The following SLC16A9 variants were observed in gnomAD, a reference collection of about 807,000 sequenced individuals.
The protein encoded by SLC16A9 is monocarboxylate transporter 9.
In SLC16A9, 26 loss-of-function variants were observed where a neutral mutation model predicts 44.3. That is an observed-to-expected ratio of 0.59 (90% confidence interval 0.43 to 0.81). The LOEUF (loss-of-function observed/expected upper bound fraction) is 0.81. Among genes scored for constraint, SLC16A9 ranks in the 40% least tolerant of loss-of-function variants. The pLI is 0.00. For synonymous variants in SLC16A9, 230 were observed against 225.1 expected (o/e 1.02, Z -0.19); for missense variants, 559 against 595.8 (o/e 0.94, Z 0.64).
intron 1 of SLC16A9, among the ~76,000 whole-genome samples, chr10:59,696,781 T>C (rs1008162017): frequency 4.0e-5 from 6 of 150,770 alleles, no homozygotes; most frequent in African/African-American, 1.5e-4. Flanking sequence ...GGAGACCCTC[T>C]GCCTGGCAAC....
intron 4 of SLC16A9, among the ~76,000 whole-genome samples, chr10:59,659,086 A>G (rs1221699354): frequency 1.3e-5 from 2 of 152,194 alleles, no homozygotes; most frequent in Non-Finnish European, 2.9e-5. Context: ...ACTGTACATA[A>G]CTTTAAAAAA....
intron 4 of SLC16A9, among the ~76,000 whole-genome samples, chr10:59,663,122 G>A (rs563541321): frequency 8.5e-5 from 13 of 152,164 alleles, no homozygotes; most frequent in Admixed American, 1.3e-4. Flanking sequence ...CACTTTGGGA[G>A]GCCGAGAGGG....
intron 1 of SLC16A9, among the ~76,000 whole-genome samples, chr10:59,703,447 G>T (rs1840569172): frequency 6.6e-6 from 1 of 152,106 alleles, no homozygotes; most frequent in African/African-American, 2.4e-5. Context: ...TAATCTTCGA[G>T]GCCTTGTAGA....
chr10:59,665,968 A>G (rs1839606182), intron 3 of SLC16A9, among the ~76,000 whole-genome samples: 1 of 152,190 alleles, frequency 6.6e-6, no homozygotes, highest in Non-Finnish European at 1.5e-5. Flanking sequence ...ATGTAGCAGA[A>G]ATCTGAAACA....
intron 5 of SLC16A9, 29 bp from the exon 6 acceptor site, chr10:59,652,979 T>C: frequency 1.3e-6 from 2 of 1,575,916 alleles, no homozygotes; most frequent in Non-Finnish European, 1.7e-6. Context: ...AAAAAGTAAG[T>C]TTCATGGAAA....
intron 2 of SLC16A9, among the ~76,000 whole-genome samples, chr10:59,674,361 A>G (rs1024543913): frequency 1.3e-5 from 2 of 152,152 alleles, no homozygotes; most frequent in Non-Finnish European, 2.9e-5. Context: ...AGATACACTG[A>G]GATCATAGCT....
chr10:59,703,707 T>C (rs543176156), intron 1 of SLC16A9, among the ~76,000 whole-genome samples: 2 of 152,136 alleles, frequency 1.3e-5, no homozygotes, highest in African/African-American at 4.8e-5. Flanking sequence ...TTTGAATGAA[T>C]TGCTGATTTT....
At chr10:59,705,355 C>T (rs530235714) in intron 1 of SLC16A9, among the ~76,000 whole-genome samples, 76 of 152,218 alleles carry the variant, frequency 5.0e-4, no homozygotes, top group African/African-American at 1.8e-3. Context: ...TGCCCCGTTA[C>T]ATGATAGTAC....
At chr10:59,693,990 T>C (rs1840311998) in intron 1 of SLC16A9, among the ~76,000 whole-genome samples, 1 of 151,468 alleles carries the variant, frequency 6.6e-6, no homozygotes, top group Non-Finnish European at 1.5e-5. Flanking sequence ...CAGGCTGGAG[T>C]GCAGTGGCGC....
chr10:59,701,846 CT>C (rs1461635480), intron 1 of SLC16A9, among the ~76,000 whole-genome samples: 2 of 152,230 alleles, frequency 1.3e-5, no homozygotes, highest in African/African-American at 2.4e-5. Context: ...TCTACTCTTC[CT>C]TCAAGACTGA....
intron 1 of SLC16A9, among the ~76,000 whole-genome samples, chr10:59,693,176 T>C (rs1840288637): frequency 6.6e-6 from 1 of 152,252 alleles, no homozygotes; most frequent in African/African-American, 2.4e-5. Context: ...AACTGATTTT[T>C]ATAACAATTT....
At chr10:59,693,761 A>G (rs1285670425) in intron 1 of SLC16A9, among the ~76,000 whole-genome samples, 3 of 151,086 alleles carry the variant, frequency 2.0e-5, no homozygotes, top group Non-Finnish European at 2.9e-5. Context: ...CTGGGGCTAC[A>G]GGCGCCCGCC....
At chr10:59,702,506 C>A (rs140390205) in intron 1 of SLC16A9, among the ~76,000 whole-genome samples, 3 of 152,316 alleles carry the variant, frequency 2.0e-5, no homozygotes, top group African/African-American at 7.2e-5. Flanking sequence ...CTGTAGTCAG[C>A]TCAGTCACAG....
intron 1 of SLC16A9, among the ~76,000 whole-genome samples, chr10:59,695,553 C>G (rs1347888261): frequency 6.6e-6 from 1 of 152,130 alleles, no homozygotes. Context: ...ACGAGCCCCC[C>G]CACCTCGTCA....
chr10:59,679,105 G>A (rs1488647313), intron 2 of SLC16A9, among the ~76,000 whole-genome samples: 1 of 152,152 alleles, frequency 6.6e-6, no homozygotes, highest in East Asian at 1.9e-4. Context: ...AGAGGGCAAG[G>A]ACTCTCAAAT....
chr10:59,687,655 C>G (rs1003002524), intron 1 of SLC16A9, among the ~76,000 whole-genome samples: 16 of 151,974 alleles, frequency 1.1e-4, no homozygotes, highest in African/African-American at 3.9e-4. Flanking sequence ...TGTTGGTAAC[C>G]AAATGGTGTT....
intron 4 of SLC16A9, among the ~76,000 whole-genome samples, chr10:59,657,526 T>C (rs1236364498): frequency 1.3e-5 from 2 of 152,194 alleles, no homozygotes; most frequent in Non-Finnish European, 2.9e-5. Flanking sequence ...TCCCTGTGAG[T>C]TGAAACTGAA....
chr10:59,657,182 G>A (rs1014458995), intron 4 of SLC16A9, among the ~76,000 whole-genome samples: 13 of 152,196 alleles, frequency 8.5e-5, no homozygotes, highest in African/African-American at 2.6e-4. Context: ...TAATTTTCAC[G>A]TATTATGAAT....
rs1839278279 is a variant in SLC16A9 at position 59,653,872 on chromosome 10, G to A, written c.1154C>T (p.Ala385Val). 2 of 1,614,008 alleles carry A rather than the reference G, an allele frequency of 1.2e-6. No homozygotes were observed. Among genetic ancestry groups the A allele is most frequent in the Admixed American group, 1.7e-5 (1 of 59,990 alleles). Residue 385 changes from alanine (A) to valine (V), a missense_variant, in exon 5 of 6, where the codon GCC (alanine) becomes GTC (valine). By Grantham distance (64) the Ala-to-Val change is moderately conservative. Transcript: ENST00000395348. ...TTTGGCAAATGGAATTGCACACAAG[G>A]CTAGGCCCATGATGATTAAGGTAGC... is the stretch of plus-strand genomic sequence containing the variant. The part of the protein sequence containing the change: ...YVATLIIMGL[A>V]LCAIPFAKSY...
Sources: gnomAD v4.1 joint callset for allele counts (sites outside exome capture counted in the v4.1 genomes callset) on GRCh38, gnomAD v4.1.1 for gene constraint, MANE v1.5 for transcripts, NCBI Gene and HGNC (gene_info 2026-07-23, HGNC 2026-07-21) for gene names.